Variants in CDC123 observed in about 807,000 individuals in gnomAD.
CDC123 encodes the protein cell division cycle 123, also known as translation initiation factor eIF2 assembly protein.
In CDC123, 37 loss-of-function variants were observed where a neutral mutation model predicts 54.4. The observed-to-expected ratio is 0.68, with a 90% CI of 0.52 to 0.89. CDC123 has a LOEUF of 0.89. Among genes scored for constraint, CDC123 ranks in the 40% least tolerant of loss-of-function variants. The pLI, the probability that CDC123 is intolerant of heterozygous loss-of-function variation, is 0.00. For synonymous variants in CDC123, 144 were observed against 136.8 expected (o/e 1.05, Z -0.37); for missense variants, 361 against 412.1 (o/e 0.88, Z 1.07).
intron 4 of CDC123, among the ~76,000 whole-genome samples, chr10:12,212,182 A>C (rs759119618): frequency 3.3e-5 from 5 of 152,220 alleles, no homozygotes; most frequent in Non-Finnish European, 7.3e-5. Context: ...AACTCTGCTC[A>C]CTAAGAAGTT....
intron 2 of CDC123, among the ~76,000 whole-genome samples, chr10:12,207,745 A>G (rs1424365113): frequency 1.3e-5 from 2 of 152,190 alleles, no homozygotes; most frequent in African/African-American, 4.8e-5. Context: ...CGCAGTGTTC[A>G]GTTTGACTTT....
intron 10 of CDC123, among the ~76,000 whole-genome samples, chr10:12,240,941 A>G (rs1407359421): frequency 6.6e-6 from 1 of 152,170 alleles, no homozygotes; most frequent in African/African-American, 2.4e-5. Flanking sequence ...TACAGGGTGA[A>G]TTCCTAGAAG....
At chr10:12,197,302 G>C (rs1182251417) in intron 1 of CDC123, among the ~76,000 whole-genome samples, 1 of 152,082 alleles carries the variant, frequency 6.6e-6, no homozygotes, top group African/African-American at 2.4e-5. Flanking sequence ...GCAAAGTTTC[G>C]CTTGAAATTG....
Position 12,223,145 on chromosome 10 carries a change from T to G in CDC123, c.440+5678T>G, listed in dbSNP as rs1323200238. Among the ~76,000 whole-genome samples, 4 of 152,180 alleles carry G rather than the reference T, an allele frequency of 2.6e-5. No homozygotes were observed. In the East Asian group the frequency reaches 7.7e-4, roughly 29 times the overall value. ...TCCTGACCTCATGATCCGCCCACCTTGGTCTCCCGAAGTGCTGGGATTACA... is the reference window on the plus strand; with the variant it reads ...TCCTGACCTCATGATCCGCCCACCTGGGTCTCCCGAAGTGCTGGGATTACA... On this transcript the variant is annotated intron_variant, in intron 6 of 12. Transcript: ENST00000281141.
At chr10:12,238,423 T>G (rs1836007210) in intron 9 of CDC123, 34 bp from the exon 10 acceptor site, 1 of 1,591,348 alleles carries the variant, frequency 6.3e-7, no homozygotes, top group African/African-American at 1.4e-5. Context: ...GAAATATTAG[T>G]TCATTAATAA....
At chr10:12,221,721 A>G (rs1835739063) in intron 6 of CDC123, among the ~76,000 whole-genome samples, 1 of 150,690 alleles carries the variant, frequency 6.6e-6, no homozygotes, top group East Asian at 1.9e-4. Context: ...GTATTTATTT[A>G]TTTATTAAAA....
chr10:12,210,107 T>C (rs1296751200), intron 3 of CDC123, 83 bp downstream of exon 3: 14 of 1,496,472 alleles, frequency 9.4e-6, no homozygotes, highest in African/African-American at 2.8e-5. Context: ...GTAGATCTTA[T>C]CTTACATCTG....
intron 6 of CDC123, among the ~76,000 whole-genome samples, chr10:12,223,831 T>C (rs1281268142): frequency 6.6e-6 from 1 of 152,198 alleles, no homozygotes; most frequent in Non-Finnish European, 1.5e-5. Context: ...TAATTATCTG[T>C]CATTGACGTA....
intron 10 of CDC123, among the ~76,000 whole-genome samples, chr10:12,242,929 G>A (rs1054640837): frequency 2.0e-5 from 3 of 151,566 alleles, no homozygotes; most frequent in Non-Finnish European, 4.4e-5. Context: ...GCAACAGGGC[G>A]AGACTCTGTC....
At chr10:12,208,111 T>C (rs1221882532) in intron 2 of CDC123, among the ~76,000 whole-genome samples, 1 of 152,236 alleles carries the variant, frequency 6.6e-6, no homozygotes, top group Admixed American at 6.5e-5. Context: ...TTTTTTTTAG[T>C]AGAGTTTCCA....
chr10:12,227,744 C>T (rs1194086077), intron 6 of CDC123, among the ~76,000 whole-genome samples: 1 of 152,160 alleles, frequency 6.6e-6, no homozygotes, highest in Non-Finnish European at 1.5e-5. Context: ...GATCCGCCCA[C>T]CTCAGCCTCC....
At chr10:12,235,204 C>T (rs2131758756) in intron 8 of CDC123, 81 bp downstream of exon 8, 1 of 1,193,058 alleles carries the variant, frequency 8.4e-7, no homozygotes, top group Non-Finnish European at 1.2e-6. Flanking sequence ...AGTAAATTTC[C>T]AGTAATTAGG....
intron 6 of CDC123, among the ~76,000 whole-genome samples, chr10:12,225,044 C>G (rs989562577): frequency 5.3e-5 from 8 of 152,110 alleles, no homozygotes; most frequent in Admixed American, 4.6e-4. Context: ...TATCCTGGCG[C>G]TTTTCCCAAG....
chr10:12,198,336 T>A (rs1292441798), intron 1 of CDC123, among the ~76,000 whole-genome samples: 1 of 152,190 alleles, frequency 6.6e-6, no homozygotes, highest in Non-Finnish European at 1.5e-5. Flanking sequence ...GCTAGTCATC[T>A]TCTAGTTGGG....
At chr10:12,196,362 A>G (rs2131725675) in intron 1 of CDC123, 43 bp downstream of exon 1, 1 of 1,613,104 alleles carries the variant, frequency 6.2e-7, no homozygotes, top group South Asian at 1.1e-5. Context: ...GCAAAAGGGA[A>G]CTGCGACTTC....
Position 12,246,138 on chromosome 10 carries a change from C to G in CDC123, c.718-11C>G. The G allele has an allele frequency of 1.2e-6, 2 of 1,607,698 alleles. No homozygotes were observed. The highest frequency in any genetic ancestry group is 1.1e-5 in the South Asian group (1 of 90,172). On this transcript the variant is annotated splice_polypyrimidine_tract_variant and intron_variant, in intron 10 of 12. Coordinates refer to ENST00000281141, the MANE Select transcript of CDC123 (RefSeq NM_006023.3). ...ATGTTTGTTTTTGTTTTTTCTCTCT[C>G]TGTGCTACAGGGGAAGGTGTGGCTC...
chr10:12,204,087 T>G (rs1835481447), intron 2 of CDC123, among the ~76,000 whole-genome samples: 2 of 118,286 alleles, frequency 1.7e-5, no homozygotes, highest in Admixed American at 9.4e-5. Flanking sequence ...AGCAAGACCT[T>G]GTCTCAAAAA....
intron 9 of CDC123, among the ~76,000 whole-genome samples, chr10:12,238,088 C>T (rs1283150503): frequency 1.3e-5 from 2 of 152,176 alleles, no homozygotes; most frequent in African/African-American, 4.8e-5. Flanking sequence ...CTATTATAAG[C>T]TTTACTCATT....
chr10:12,246,216 AAGAACTGATATCTG>A lies in CDC123; in HGVS notation c.791_804del (p.Leu264GlnfsTer7). ...ACAGATTCACTGCTGTTCACCTGGG[AAGAACTGATATCTG>A]AGAACAACTTAAACGGCGATTTTAG... On this transcript the variant is annotated frameshift_variant, in exon 11 of 13. Transcript: ENST00000281141. LOFTEE classifies it high-confidence loss of function. 6.2e-7 allele frequency: 1 copy of A among 1,614,130 alleles called. No homozygotes were observed. Among genetic ancestry groups the A allele is most frequent in the Non-Finnish European group, 8.5e-7 (1 of 1,179,988 alleles).
Sources: gnomAD v4.1 joint callset for allele counts (sites outside exome capture counted in the v4.1 genomes callset) on GRCh38, gnomAD v4.1.1 for gene constraint, MANE v1.5 for transcripts, NCBI Gene and HGNC (gene_info 2026-07-23, HGNC 2026-07-21) for gene names.